The following SPMIP7 variants were observed in gnomAD, a reference collection of about 807,000 sequenced individuals.
The protein encoded by SPMIP7 is sperm microtubule inner protein 7.
chr7:50,120,554 AGCTT>A, the SPMIP7 span, among the ~76,000 whole-genome samples: 1 of 152,174 alleles, frequency 6.6e-6, no homozygotes, highest in Non-Finnish European at 1.5e-5. Context: ...TACTACAGAA[AGCTT>A]AATTTAAAAG....
chr7:50,120,560 ATTT>A, the SPMIP7 span, among the ~76,000 whole-genome samples: 1 of 152,150 alleles, frequency 6.6e-6, no homozygotes, highest in Non-Finnish European at 1.5e-5. Context: ...AGAAAGCTTA[ATTT>A]AAAAGGTAGC....
the SPMIP7 span, chr7:50,159,252 C>G: frequency 6.9e-7 from 1 of 1,444,934 alleles, no homozygotes. Context: ...TGCTTCTCCG[C>G]GCTGCGCAGT....
chr7:50,129,817 T>G, the SPMIP7 span: 1 of 1,464,682 alleles, frequency 6.8e-7, no homozygotes, highest in Non-Finnish European at 9.3e-7. Flanking sequence ...CCAGTGGAAT[T>G]TTGATTTTGG....
the SPMIP7 span, among the ~76,000 whole-genome samples, chr7:50,099,127 C>G: frequency 6.6e-6 from 1 of 152,168 alleles, no homozygotes; most frequent in Non-Finnish European, 1.5e-5. Context: ...ATTTCACTTA[C>G]CGTAATGTCC....
chr7:50,115,609 G>A, the SPMIP7 span, among the ~76,000 whole-genome samples: 2 of 152,186 alleles, frequency 1.3e-5, no homozygotes, highest in East Asian at 3.9e-4. Flanking sequence ...AATAAAAGAT[G>A]CCTGGTAAAA....
the SPMIP7 span, among the ~76,000 whole-genome samples, chr7:50,098,777 C>T: frequency 1.3e-5 from 2 of 152,094 alleles, no homozygotes; most frequent in East Asian, 1.9e-4. Context: ...AGCTAATTAC[C>T]TCCCGAAGTC....
At chr7:50,153,418 T>C in the SPMIP7 span, among the ~76,000 whole-genome samples, 1 of 152,364 alleles carries the variant, frequency 6.6e-6, no homozygotes, top group Non-Finnish European at 1.5e-5. Context: ...CATTTGCTGG[T>C]GGATTCACAT....
At chr7:50,124,055 A>G in the SPMIP7 span, among the ~76,000 whole-genome samples, 2 of 152,156 alleles carry the variant, frequency 1.3e-5, no homozygotes, top group Non-Finnish European at 2.9e-5. Flanking sequence ...AAATACATAC[A>G]ATGTAAATAA....
the SPMIP7 span, among the ~76,000 whole-genome samples, chr7:50,153,662 A>G: frequency 2.0e-5 from 3 of 152,138 alleles, no homozygotes; most frequent in African/African-American, 7.2e-5. Flanking sequence ...TTTACAGATA[A>G]GGAAACTGAG....
chr7:50,159,207 T>TG, the SPMIP7 span: 1 of 1,542,548 alleles, frequency 6.5e-7, no homozygotes, highest in South Asian at 1.2e-5. Context: ...GGCCTCCGCC[T>TG]GGGGAAGGCT....
chr7:50,120,381 G>A, the SPMIP7 span: 1 of 152,070 alleles, frequency 6.6e-6, no homozygotes. Flanking sequence ...GGTTTAAATG[G>A]GAAGAAGCCA....
the SPMIP7 span, among the ~76,000 whole-genome samples, chr7:50,158,461 GTCT>G: frequency 2.0e-5 from 3 of 149,356 alleles, no homozygotes; most frequent in Non-Finnish European, 3.0e-5. Flanking sequence ...TCCCACCGAT[GTCT>G]TCTTCTGGCC....
chr7:50,106,316 G>A, the SPMIP7 span, among the ~76,000 whole-genome samples: 1 of 152,310 alleles, frequency 6.6e-6, no homozygotes, highest in Admixed American at 6.5e-5. Flanking sequence ...TCTCATAGAA[G>A]TAAAAGATCA....
At chr7:50,110,044 G>T in the SPMIP7 span, among the ~76,000 whole-genome samples, 2 of 151,910 alleles carry the variant, frequency 1.3e-5, no homozygotes, top group Non-Finnish European at 2.9e-5. Context: ...AAAATTCTGG[G>T]AATTGAGGAT....
At chr7:50,096,116 A>T in the SPMIP7 span, 1 of 1,519,852 alleles carries the variant, frequency 6.6e-7, no homozygotes, top group Middle Eastern at 1.7e-4. Context: ...CACACCTGGA[A>T]AGATAAGTAT....
chr7:50,109,850 T>C, the SPMIP7 span, among the ~76,000 whole-genome samples: 306 of 152,336 alleles, frequency 2.0e-3, 1 homozygote, highest in Non-Finnish European at 3.4e-3. Context: ...ATATTACTGA[T>C]AGATACAGCA....
the SPMIP7 span, among the ~76,000 whole-genome samples, chr7:50,144,217 C>T: frequency 6.6e-6 from 1 of 152,116 alleles, no homozygotes; most frequent in South Asian, 2.1e-4. Context: ...TAACTTTTTT[C>T]CAAAAGTGTT....
chr7:50,119,054 A>C, the SPMIP7 span, among the ~76,000 whole-genome samples: 2 of 152,158 alleles, frequency 1.3e-5, no homozygotes, highest in Non-Finnish European at 1.5e-5. Flanking sequence ...GACTGAGAAC[A>C]ACCAGACCTT....
the SPMIP7 span, among the ~76,000 whole-genome samples, chr7:50,154,934 C>T: frequency 6.6e-5 from 10 of 152,236 alleles, no homozygotes; most frequent in East Asian, 5.8e-4. Flanking sequence ...TGTATTTCCC[C>T]GATGAGCAAT....
Sources: allele counts gnomAD v4.1 joint callset (sites outside exome capture counted in the v4.1 genomes callset), GRCh38; gene constraint gnomAD v4.1.1; transcripts MANE v1.5; gene names NCBI Gene and HGNC (gene_info 2026-07-23, HGNC 2026-07-21).